EML1: variants seen among roughly 807,000 people sequenced by gnomAD.
EML1 encodes EMAP like 1, also known as echinoderm microtubule-associated protein-like 1.
EML1 carries 27 observed loss-of-function variants against 110.4 expected under a neutral mutation model. The ratio of observed to expected loss-of-function variants is 0.24; its 90% CI spans 0.18 to 0.34. The LOEUF (loss-of-function observed/expected upper bound fraction) is 0.34, where lower values mean the gene tolerates loss of function less well. Ranked by LOEUF, EML1 falls within the 10% of genes least tolerant of loss-of-function variation. EML1 has a pLI of 1.00. For missense variants in EML1, 741 were observed against 1,030.9 expected (o/e 0.72, Z 3.85); for synonymous variants, 344 against 385.8 (o/e 0.89, Z 1.27).
chr14:99,878,170 A>G (rs1164367262), intron 3 of EML1, among the ~76,000 whole-genome samples: 2 of 151,482 alleles, frequency 1.3e-5, no homozygotes, highest in Non-Finnish European at 2.9e-5. Context: ...CATCCCTGGA[A>G]AGTGAAGCCT....
At chr14:99,855,758 A>G (rs1211262144) in intron 2 of EML1, among the ~76,000 whole-genome samples, 1 of 152,232 alleles carries the variant, frequency 6.6e-6, no homozygotes, top group Non-Finnish European at 1.5e-5. Flanking sequence ...GAATTAGAAT[A>G]TCAAAGAATT....
chr14:99,867,418 G>A (rs964662199), intron 3 of EML1, among the ~76,000 whole-genome samples: 4 of 152,146 alleles, frequency 2.6e-5, no homozygotes, highest in Non-Finnish European at 5.9e-5. Context: ...ATCACTTTGA[G>A]TAGCATGGAG....
intron 1 of EML1, among the ~76,000 whole-genome samples, chr14:99,833,583 A>G (rs2058494577): frequency 1.3e-5 from 2 of 152,210 alleles, no homozygotes; most frequent in African/African-American, 4.8e-5. Flanking sequence ...GAAAATTGTT[A>G]GCTTAACAGT....
intron 17 of EML1, among the ~76,000 whole-genome samples, chr14:99,934,574 A>G (rs2060433832): frequency 6.6e-6 from 1 of 152,242 alleles, no homozygotes; most frequent in East Asian, 1.9e-4. Context: ...AAGGCCCTGT[A>G]CAAATATTGT....
At chr14:99,920,727 A>C in intron 16 of EML1, 62 bp from the exon 17 acceptor site, 2 of 1,304,708 alleles carry the variant, frequency 1.5e-6, no homozygotes, top group Non-Finnish European at 2.2e-6. Context: ...TCATCCCACT[A>C]TTATATAATC....
intron 1 of EML1, among the ~76,000 whole-genome samples, chr14:99,760,172 G>A (rs984898331): frequency 2.1e-5 from 3 of 145,212 alleles, no homozygotes; most frequent in African/African-American, 7.6e-5. Flanking sequence ...ACTTACAAAT[G>A]TGCAACAGAA....
chr14:99,897,644 C>T (rs552791360), intron 7 of EML1, among the ~76,000 whole-genome samples: 17 of 152,288 alleles, frequency 1.1e-4, no homozygotes, highest in African/African-American at 3.9e-4. Context: ...ATTGTCTCAA[C>T]AAACAGCGCC....
intron 1 of EML1, among the ~76,000 whole-genome samples, chr14:99,832,564 G>A (rs1300560141): frequency 2.6e-5 from 4 of 152,108 alleles, no homozygotes; most frequent in Non-Finnish European, 2.9e-5. Flanking sequence ...ACCTTCTAAC[G>A]GGCGTGAGGT....
Position 99,784,075 on chromosome 14 carries a change from T to G in EML1, c.-27+10062T>G, listed in dbSNP as rs1168638272. ...CAATCACAACATCAAGTTTCCTAAATGTAAGGACTTTTTCTTGTCTTCTTT... is the reference window on the plus strand; with the variant it reads ...CAATCACAACATCAAGTTTCCTAAAGGTAAGGACTTTTTCTTGTCTTCTTT... On this transcript the variant is annotated intron_variant, in intron 1 of 22. Transcript: ENST00000327921. The surrounding 1 kb of genome is among the most constrained non-coding windows in gnomAD (Gnocchi z 4.5). Among the ~76,000 whole-genome samples the G allele has an allele frequency of 6.6e-6, 1 of 152,190 alleles. No homozygotes were observed. Among genetic ancestry groups the G allele is most frequent in the East Asian group, 1.9e-4 (1 of 5,192 alleles).
chr14:99,922,020 C>T (rs957208788), intron 17 of EML1, among the ~76,000 whole-genome samples: 1 of 152,192 alleles, frequency 6.6e-6, no homozygotes. Flanking sequence ...TTGCATCTGA[C>T]TTCATTCACG....
At chr14:99,793,359 C>A (rs950250255), upstream of EML1, 4 of 988,658 alleles carry the variant, frequency 4.0e-6, no homozygotes, top group Non-Finnish European at 3.6e-6. Context: ...CAGCAGCAGC[C>A]GCCACAGCAG....
intron 3 of EML1, among the ~76,000 whole-genome samples, chr14:99,871,440 G>A (rs574013160): frequency 3.3e-5 from 5 of 152,154 alleles, no homozygotes; most frequent in Admixed American, 6.5e-5. Context: ...TTGAGGCCAG[G>A]AGTTTGAGAC....
At position 99,841,477 on chromosome 14, in the gene EML1, G is replaced by A. The variant is rs1243423345; in HGVS notation, c.68-9376G>A. 2.6e-5 allele frequency among the ~76,000 whole-genome samples: 4 copies of A among 152,228 alleles called. No individual in the cohort carries two copies. The East Asian group carries it at 5.8e-4, about 22-fold the overall frequency. On this transcript the variant is annotated intron_variant, in intron 1 of 21. Coordinates refer to ENST00000262233, the MANE Select transcript of EML1 (RefSeq NM_004434.3). ...GTATTAGGTCACATAGCTAATAGGGGACAGATTAGGAATTGGCTACTGCTC... is the reference window on the plus strand; with the variant it reads ...GTATTAGGTCACATAGCTAATAGGGAACAGATTAGGAATTGGCTACTGCTC...
intron 17 of EML1, among the ~76,000 whole-genome samples, chr14:99,923,046 A>G (rs943380096): frequency 1.3e-5 from 2 of 152,124 alleles, no homozygotes; most frequent in East Asian, 1.9e-4. Context: ...GGTCCAAGCA[A>G]TCCTCTCACC....
chr14:99,844,677 C>G (rs771936360), intron 1 of EML1, among the ~76,000 whole-genome samples: 11 of 152,150 alleles, frequency 7.2e-5, no homozygotes, highest in African/African-American at 2.7e-4. Context: ...TCAAAATTCC[C>G]TTGTGCAGTG....
At chr14:99,899,085 C>G (rs189766815) in intron 8 of EML1, among the ~76,000 whole-genome samples, 4 of 152,236 alleles carry the variant, frequency 2.6e-5, no homozygotes, top group East Asian at 1.9e-4. Context: ...ATTTTGCAAG[C>G]ACTTCAGCAA....
At chr14:99,805,985 T>C (rs1307452133) in intron 1 of EML1, among the ~76,000 whole-genome samples, 3 of 152,140 alleles carry the variant, frequency 2.0e-5, no homozygotes, top group Non-Finnish European at 2.9e-5. Flanking sequence ...CCCCGCCAGC[T>C]CCTGGTCCAG....
At chr14:99,917,558 T>A (rs1261507958) in intron 15 of EML1, among the ~76,000 whole-genome samples, 1 of 152,042 alleles carries the variant, frequency 6.6e-6, no homozygotes, top group Non-Finnish European at 1.5e-5. Context: ...AGATCCTGCC[T>A]CAAAAAAGGG....
At chr14:99,796,186 CAGAGAGAGAG>C (rs57818494) in intron 1 of EML1, among the ~76,000 whole-genome samples, 6,081 of 119,238 alleles carry the variant, frequency 0.051, 168 homozygotes, top group Non-Finnish European at 0.065. Flanking sequence ...GACCCTGTCT[CAGAGAGAGAG>C]AGAGAGAGAG....
Sources: allele counts gnomAD v4.1 joint callset (sites outside exome capture counted in the v4.1 genomes callset), GRCh38; gene constraint gnomAD v4.1.1; non-coding constraint Gnocchi (gnomAD v3.1); transcripts MANE v1.5; gene names NCBI Gene and HGNC (gene_info 2026-07-23, HGNC 2026-07-21).